The following EFCAB10 variants were observed in gnomAD, a reference collection of about 807,000 sequenced individuals.
EFCAB10 encodes EF-hand calcium binding domain 10.
In EFCAB10, 7 loss-of-function variants were observed where a neutral mutation model predicts 7.7. That is an observed-to-expected ratio of 0.91 (90% CI 0.52 to 1.72). The LOEUF is 1.72. EFCAB10 is among the 40% of genes most tolerant of loss of function. The probability of loss-of-function intolerance (pLI) is 0.00; values close to 1 mark genes in which losing one functional copy is unlikely to be tolerated. For synonymous variants in EFCAB10, 52 were observed against 21.0 expected (o/e 2.47, Z -4.03); for missense variants, 112 against 61.5 (o/e 1.82, Z -2.74).
chr7:105,574,677 G>T (rs956356048), intron 1 of EFCAB10, among the ~76,000 whole-genome samples: 1 of 151,796 alleles, frequency 6.6e-6, no homozygotes. Flanking sequence ...TAATAGAGGG[G>T]TTTCACCGTG....
At chr7:105,565,826 C>G (rs1290026412) in intron 4 of EFCAB10, among the ~76,000 whole-genome samples, 1 of 152,158 alleles carries the variant, frequency 6.6e-6, no homozygotes, top group Non-Finnish European at 1.5e-5. Flanking sequence ...ATAGATGTGA[C>G]CCATGACCTC....
In EFCAB10 at chr7:105,565,618, A is replaced by G. The variant is rs766540386; in HGVS notation, c.*-171T>C. On this transcript the variant is annotated intron_variant, in intron 4 of 4. Transcript: ENST00000480514. ...AATCTTTTCCCTTTGTTTTCTCACTATTGCAAGAGACCAGAAAATTATTTT... is the reference window on the plus strand; with the variant it reads ...AATCTTTTCCCTTTGTTTTCTCACTGTTGCAAGAGACCAGAAAATTATTTT... 4.3e-6 allele frequency: 7 copies of G among 1,611,480 alleles called. No individual in the cohort carries two copies. In the East Asian group the frequency reaches 6.7e-5, roughly 15 times the overall value.
intron 1 of EFCAB10, among the ~76,000 whole-genome samples, chr7:105,575,811 G>T (rs888245784): frequency 1.3e-5 from 2 of 152,170 alleles, no homozygotes; most frequent in Non-Finnish European, 2.9e-5. Flanking sequence ...GCCGAGGTGG[G>T]AGGATCGCCT....
intron 1 of EFCAB10, among the ~76,000 whole-genome samples, chr7:105,577,715 A>G (rs202008036): frequency 7.1e-6 from 1 of 140,648 alleles, no homozygotes; most frequent in African/African-American, 2.6e-5. Flanking sequence ...TGTCTGTTCA[A>G]TTTTTTTTTT....
intron 3 of EFCAB10, 156 bp from the exon 4 acceptor site, chr7:105,567,646 C>A: frequency 1.9e-6 from 1 of 529,486 alleles, no homozygotes; most frequent in Non-Finnish European, 3.3e-6. Flanking sequence ...TGTGGATAAT[C>A]AAACATAGCC....
intron 1 of EFCAB10, among the ~76,000 whole-genome samples, chr7:105,570,268 T>TATATATATATATATATATATACAC (rs1188257284): frequency 1.1e-4 from 7 of 66,452 alleles, no homozygotes; most frequent in Non-Finnish European, 1.6e-4. Flanking sequence ...TATATATATA[T>TATATATATATATATATATATACAC]ACACACACAC....
chr7:105,565,503 T>A (rs1791678860), intron 4 of EFCAB10, 56 bp from the exon 5 acceptor site: 3 of 1,610,754 alleles, frequency 1.9e-6, no homozygotes, highest in Non-Finnish European at 2.5e-6. Flanking sequence ...TAAAGACAAC[T>A]GTTATATGAA....
intron 1 of EFCAB10, among the ~76,000 whole-genome samples, chr7:105,570,810 G>A (rs1248519750): frequency 1.3e-5 from 2 of 152,126 alleles, no homozygotes; most frequent in Admixed American, 1.3e-4. Context: ...GGATCATGAG[G>A]TCGGGAGATC....
At chr7:105,575,594 G>A (rs1792058393) in intron 1 of EFCAB10, among the ~76,000 whole-genome samples, 1 of 152,074 alleles carries the variant, frequency 6.6e-6, no homozygotes, top group African/African-American at 2.4e-5. Context: ...TGAAACTGTT[G>A]GTTTTTACAG....
Position 105,565,321 on chromosome 7 carries a change from T to C in EFCAB10, c.*126A>G. 7 of 1,614,226 alleles carry C rather than the reference T, an allele frequency of 4.3e-6. No homozygotes were observed. Among genetic ancestry groups the C allele is most frequent in the Non-Finnish European group, 5.9e-6 (7 of 1,180,024 alleles). ...CAGTCAGAGCAGGCAGTGATGTCCC[T>C]GTCCAGTTCGGCTTGCCCGTTGCTG... On this transcript the variant is annotated 3_prime_UTR_variant, in exon 5 of 5. Transcript: ENST00000480514.
At chr7:105,568,272 T>C (rs1032827219) in intron 3 of EFCAB10, among the ~76,000 whole-genome samples, 4 of 152,152 alleles carry the variant, frequency 2.6e-5, no homozygotes, top group Non-Finnish European at 5.9e-5. Context: ...GTCCTTGGGG[T>C]ATATTCAATA....
intron 1 of EFCAB10, among the ~76,000 whole-genome samples, chr7:105,570,832 G>A (rs1791931330): frequency 6.6e-6 from 1 of 152,074 alleles, no homozygotes; most frequent in Non-Finnish European, 1.5e-5. Flanking sequence ...AGACCATCCC[G>A]GCTAACACGG....
chr7:105,567,806 A>T, intron 3 of EFCAB10: 1 of 266,632 alleles, frequency 3.8e-6, no homozygotes, highest in Non-Finnish European at 7.1e-6. Context: ...CTGAGGTAGG[A>T]GGATTGCTTG....
chr7:105,577,418 T>C (rs1792107035), intron 1 of EFCAB10, among the ~76,000 whole-genome samples: 1 of 152,184 alleles, frequency 6.6e-6, no homozygotes, highest in Non-Finnish European at 1.5e-5. Flanking sequence ...AGAATACAGC[T>C]GGGAACAAGG....
At chr7:105,565,635 A>C (rs1016719477) in intron 4 of EFCAB10, 188 bp from the exon 5 acceptor site, 1 of 1,597,214 alleles carries the variant, frequency 6.3e-7, no homozygotes, top group Non-Finnish European at 8.6e-7. Context: ...GAGACCAGAA[A>C]ATTATTTTAA....
At chr7:105,565,739 G>T in intron 4 of EFCAB10, 1 of 829,128 alleles carries the variant, frequency 1.2e-6, no homozygotes. Flanking sequence ...AGATGTTTGG[G>T]TGGGATAAGA....
At chr7:105,577,437 C>CT (rs1177660380) in intron 1 of EFCAB10, among the ~76,000 whole-genome samples, 1 of 152,118 alleles carries the variant, frequency 6.6e-6, no homozygotes, top group East Asian at 1.9e-4. Flanking sequence ...GGAGGAAGGA[C>CT]TTTTGAGTGG....
At chr7:105,580,823 C>T (rs1335279354) in intron 1 of EFCAB10, among the ~76,000 whole-genome samples, 1 of 152,080 alleles carries the variant, frequency 6.6e-6, no homozygotes, top group Admixed American at 6.6e-5. Context: ...AATTACAAAA[C>T]GATTCAAATT....
At chr7:105,566,560 T>C (rs1378974376) in intron 4 of EFCAB10, 1 of 152,024 alleles carries the variant, frequency 6.6e-6, no homozygotes, top group Non-Finnish European at 1.5e-5. Flanking sequence ...TAGTCCTAGC[T>C]ACTTGAGAGG....
Sources: allele counts gnomAD v4.1 joint callset (sites outside exome capture counted in the v4.1 genomes callset), GRCh38; gene constraint gnomAD v4.1.1; transcripts MANE v1.5; gene names NCBI Gene and HGNC (gene_info 2026-07-23, HGNC 2026-07-21).